Variants in LTBP1 observed in about 807,000 individuals in gnomAD.
LTBP1 encodes latent transforming growth factor beta binding protein 1, also known as latent-transforming growth factor beta-binding protein 1.
In LTBP1, 129 loss-of-function variants were observed where a neutral mutation model predicts 207.6. The observed-to-expected ratio is 0.62, with a 90% confidence interval of 0.54 to 0.72. The LOEUF is 0.72. Ranked by LOEUF, LTBP1 falls within the 30% of genes least tolerant of loss-of-function variation. The pLI, the probability that LTBP1 is intolerant of heterozygous loss-of-function variation, is 0.00. For synonymous variants in LTBP1, 963 were observed against 833.7 expected (o/e 1.16, Z -2.67); for missense variants, 2,281 against 2,217.2 (o/e 1.03, Z -0.58).
In LTBP1 at chr2:33,263,305, A is replaced by G; in HGVS notation, c.2530A>G (p.Lys844Glu). The change falls in exon 15 of 34, where the codon AAA becomes GAA. Residue 844 changes from lysine to glutamate, a missense_variant. Physicochemically the swap from Lys to Glu is moderately conservative, Grantham distance 56 (BLOSUM62 1). This residue lies in a region of LTBP1 where 1,671 missense variants were observed against 1,634.8 expected (regional missense o/e 1.02). Coordinates refer to ENST00000404816, the MANE Select transcript of LTBP1 (RefSeq NM_206943.4). ...GCTTCCTCATATAGTAGTGATTGAA[A>G]AAACATCACCTCCTGTGCCTGTTGA... is the stretch of plus-strand genomic sequence containing the variant. ...LHPQFPVVIEKTSPPVPVEVA... is the reference protein window; with the variant it reads ...LHPQFPVVIEETSPPVPVEVA... 1.2e-6 allele frequency: 2 copies of G among 1,612,672 alleles called. No homozygotes were observed. The highest frequency in any genetic ancestry group is 1.7e-6 in the Non-Finnish European group (2 of 1,178,732).
intron 3 of LTBP1, among the ~76,000 whole-genome samples, chr2:33,095,614 A>G (rs930010646): frequency 6.6e-6 from 1 of 152,216 alleles, no homozygotes; most frequent in Non-Finnish European, 1.5e-5. Flanking sequence ...AACAATCAGT[A>G]GAAAACAGCT....
chr2:33,088,396 G>A (rs2078877889), intron 3 of LTBP1, among the ~76,000 whole-genome samples: 1 of 152,072 alleles, frequency 6.6e-6, no homozygotes, highest in East Asian at 1.9e-4. Context: ...AGGTTGCGGT[G>A]AGCCGAGATC....
In LTBP1 at chr2:33,315,211, T is replaced by C. The variant is rs1279318728; in HGVS notation, c.3672T>C (p.Ser1224=). The C allele has an allele frequency of 1.2e-6, 2 of 1,613,774 alleles. No homozygotes were observed. The highest frequency in any genetic ancestry group is 1.7e-6 in the Non-Finnish European group (2 of 1,179,860). The change falls in exon 24 of 34, where the codon TCT becomes TCC. Residue 1224 remains serine (S), a synonymous_variant. Transcript: ENST00000404816. ...GGGAGTGCCTAAACACAGAGGGTTC[T>C]TTCCATTGTGTCTGCCAGCAGGGTT... ...PQGECLNTEG[S]FHCVCQQGFS...
Position 33,240,544 on chromosome 2 carries a change from T to C in LTBP1, c.1877-3118T>C, listed in dbSNP as rs576734006. Among the ~76,000 whole-genome samples the C allele has an allele frequency of 5.3e-5, 8 of 152,334 alleles. No individual in the cohort carries two copies. In the East Asian group the frequency reaches 1.3e-3, roughly 26 times the overall value. On this transcript the variant is annotated intron_variant, in intron 9 of 33. Transcript: ENST00000404816. The stretch of plus-strand genomic sequence containing the variant: ...TTTCTTAATAATTAGAAATGTCTTA[T>C]TAATTTATTAATTTCTGAAGTCCTA...
At chr2:33,186,779 G>T in intron 5 of LTBP1, 77 bp from the exon 6 acceptor site, 1 of 1,087,920 alleles carries the variant, frequency 9.2e-7, no homozygotes, top group Admixed American at 2.0e-5. Context: ...TGTATGTTTT[G>T]CAGGTTTTGT....
chr2:33,362,458 T>G (rs1219497059), intron 28 of LTBP1, among the ~76,000 whole-genome samples: 6 of 152,196 alleles, frequency 3.9e-5, no homozygotes, highest in Non-Finnish European at 7.4e-5. Flanking sequence ...GGGATGTAGT[T>G]AAATCTCACT....
chr2:33,112,779 A>C (rs218228), intron 4 of LTBP1, among the ~76,000 whole-genome samples: 16,443 of 152,226 alleles, frequency 0.11, 1,095 homozygotes, highest in Middle Eastern at 0.14. Context: ...ACCTAAACAT[A>C]CTGTCTCTGC....
chr2:33,059,615 C>G (rs79189443), intron 3 of LTBP1, among the ~76,000 whole-genome samples: 2,525 of 152,258 alleles, frequency 0.017, 73 homozygotes, highest in African/African-American at 0.058. Context: ...TTTAAGAAGT[C>G]TGGGCCTGAA....
intron 31 of LTBP1, among the ~76,000 whole-genome samples, chr2:33,376,435 CT>C (rs1223746601): frequency 6.6e-6 from 1 of 152,138 alleles, no homozygotes; most frequent in African/African-American, 2.4e-5. Context: ...GTTAGGCCAG[CT>C]GAGGTTAGTG....
At position 33,380,787 on chromosome 2, in the gene LTBP1, GT is replaced by G. The variant is rs570401078; in HGVS notation, c.4712-8396del. ...AGAACATGAAATTAAGCACTCTAAAGTGAACAATTTAGTGGCATTTACTACG... is the reference window on the plus strand; with the variant it reads ...AGAACATGAAATTAAGCACTCTAAAGGAACAATTTAGTGGCATTTACTACG... On this transcript the variant is annotated intron_variant, in intron 31 of 33. Coordinates refer to ENST00000404816, the MANE Select transcript of LTBP1 (RefSeq NM_206943.4). Among the ~76,000 whole-genome samples, 406 of 152,228 alleles carry G rather than the reference GT, an allele frequency of 2.7e-3. 2 individuals carry two copies. Among genetic ancestry groups the G allele is most frequent in the Admixed American group, 4.3e-3 (66 of 15,302 alleles).
rs145014453 is a variant in LTBP1, at chr2:33,336,152, G to C, written c.3731-6686G>C. 8.9e-4 allele frequency among the ~76,000 whole-genome samples: 135 copies of C among 152,298 alleles called. No individual in the cohort carries two copies. The Middle Eastern group carries it at 0.017, about 19-fold the overall frequency. On this transcript the variant is annotated intron_variant, in intron 24 of 33. Coordinates refer to ENST00000404816, the MANE Select transcript of LTBP1 (RefSeq NM_206943.4). ...CCTAAGTCTTATTTAAGGACAAGAA[G>C]ACTTGATAAAACTGGAAGCCAGTAG...
At chr2:33,262,655 A>G in intron 13 of LTBP1, 67 bp from the exon 14 acceptor site, 1 of 789,656 alleles carries the variant, frequency 1.3e-6, no homozygotes. Context: ...TATGTGGGAA[A>G]CTAAAAATAA....
At chr2:33,305,305 C>T (rs1244314850) in intron 22 of LTBP1, among the ~76,000 whole-genome samples, 2 of 151,930 alleles carry the variant, frequency 1.3e-5, no homozygotes, top group Admixed American at 1.3e-4. Flanking sequence ...GCCTGGGCAA[C>T]AGAGCAAGAC....
chr2:33,359,371 A>G (rs2094900667), intron 26 of LTBP1, among the ~76,000 whole-genome samples: 1 of 152,238 alleles, frequency 6.6e-6, no homozygotes, highest in Non-Finnish European at 1.5e-5. Context: ...TAATATATTA[A>G]TAAAATTTCC....
intron 26 of LTBP1, among the ~76,000 whole-genome samples, chr2:33,354,925 T>C (rs910447187): frequency 2.0e-5 from 3 of 152,102 alleles, no homozygotes; most frequent in African/African-American, 7.2e-5. Context: ...AATTTTTTTG[T>C]AGGACGAGGT....
intron 2 of LTBP1, among the ~76,000 whole-genome samples, chr2:32,953,065 TAGAA>T (rs1023513880): frequency 2.6e-5 from 4 of 152,230 alleles, no homozygotes; most frequent in African/African-American, 4.8e-5. Context: ...GTTCTCTCCT[TAGAA>T]AGAAACAGAA....
intron 24 of LTBP1, among the ~76,000 whole-genome samples, chr2:33,321,773 G>GAA (rs2094358064): frequency 6.6e-6 from 1 of 152,180 alleles, no homozygotes; most frequent in Admixed American, 6.5e-5. Flanking sequence ...ACTGAAAACT[G>GAA]TACTAAGAGA....
At chr2:32,982,675 A>G (rs763343262) in intron 2 of LTBP1, among the ~76,000 whole-genome samples, 6 of 152,232 alleles carry the variant, frequency 3.9e-5, no homozygotes, top group Non-Finnish European at 8.8e-5. Flanking sequence ...CCAGTGCTCC[A>G]GCTGTGGCTG....
At chr2:33,262,536 G>T (rs1268585168) in intron 13 of LTBP1, among the ~76,000 whole-genome samples, 186 bp from the exon 14 acceptor site, 8 of 143,722 alleles carry the variant, frequency 5.6e-5, no homozygotes, top group Non-Finnish European at 1.2e-4. Context: ...CCACATCAAA[G>T]GTTCTTTTTT....
Sources: gnomAD v4.1 joint callset for allele counts (sites outside exome capture counted in the v4.1 genomes callset) on GRCh38, gnomAD v4.1.1 for gene constraint, gnomAD v4.1.1 regional missense constraint, MANE v1.5 for transcripts, NCBI Gene and HGNC (gene_info 2026-07-23, HGNC 2026-07-21) for gene names.